Variants in TSHZ2 observed in about 807,000 individuals in gnomAD.
TSHZ2 encodes the protein teashirt homolog 2.
Under a neutral mutation model 74.4 loss-of-function variants are expected in TSHZ2, and 21 were observed. The ratio of observed to expected loss-of-function variants is 0.28; its 90% CI spans 0.20 to 0.41. TSHZ2 has a LOEUF of 0.41. TSHZ2 is among the 10% of genes least tolerant of loss of function. The probability of loss-of-function intolerance (pLI) is 1.00; values close to 1 mark genes in which losing one functional copy is unlikely to be tolerated. For synonymous variants in TSHZ2, 540 were observed against 515.3 expected, an observed-to-expected ratio of 1.05 and a Z score of -0.65; for missense variants, 1,244 against 1,293.5, an observed-to-expected ratio of 0.96 and a Z score of 0.59.
Position 53,255,667 on chromosome 20 carries a change from A to T in TSHZ2, c.2209A>T (p.Met737Leu). 6.3e-7 allele frequency: 1 copy of T among 1,580,268 alleles called. No homozygotes were observed. Among genetic ancestry groups the T allele is most frequent in the Non-Finnish European group, 8.6e-7 (1 of 1,163,846 alleles). ...SMFHKSNLNVMDKPVLSPAST... is the reference protein window; with the variant it reads ...SMFHKSNLNVLDKPVLSPAST... ...GTTCCACAAGTCGAATCTCAATGTCATGGACAAGCCGGTCTTGAGTCCTGC... is the reference window on the plus strand; with the variant it reads ...GTTCCACAAGTCGAATCTCAATGTCTTGGACAAGCCGGTCTTGAGTCCTGC... Residue 737 changes from methionine to leucine, a missense_variant, in exon 2 of 3, where the codon ATG becomes TTG. Transcript: ENST00000371497. This position sits in a 1 kb window ranked among gnomAD's most constrained non-coding sequence, Gnocchi z 4.1.
chr20:53,463,380 GAGGAAGGA>G (rs3042220), intron 2 of TSHZ2, among the ~76,000 whole-genome samples: 1,847 of 68,614 alleles, frequency 0.027, 25 homozygotes, highest in Non-Finnish European at 0.029. Context: ...CAGAGAGAGA[GAGGAAGGA>G]AGGAAGGAAG....
At chr20:52,993,882 T>C (rs1370999687) in intron 1 of TSHZ2, among the ~76,000 whole-genome samples, 3 of 152,200 alleles carry the variant, frequency 2.0e-5, no homozygotes, top group Non-Finnish European at 4.4e-5. Flanking sequence ...AAGGCCACCC[T>C]TGCCTTCCGG....
At position 53,033,787 on chromosome 20, in the gene TSHZ2, G is replaced by A. The variant is rs572128196; in HGVS notation, c.40+60454G>A. 5.3e-5 allele frequency among the ~76,000 whole-genome samples: 8 copies of A among 149,646 alleles called. No homozygotes were observed. The South Asian group carries it at 1.5e-3, about 28-fold the overall frequency. The stretch of plus-strand genomic sequence containing the variant: ...CAATTTGCTTGCCTCAGCCTCCTGA[G>A]GAACTAGGACTGCAGGCATGCACCC... On this transcript the variant is annotated intron_variant, in intron 1 of 2. Transcript: ENST00000371497.
chr20:53,484,142 G>A (rs1028637177), intron 2 of TSHZ2, among the ~76,000 whole-genome samples: 7 of 152,088 alleles, frequency 4.6e-5, no homozygotes, highest in Non-Finnish European at 8.8e-5. Context: ...CCTGCCAGAG[G>A]ATCTCAACCA....
At chr20:53,380,349 T>C (rs990479151) in intron 2 of TSHZ2, among the ~76,000 whole-genome samples, 1 of 152,220 alleles carries the variant, frequency 6.6e-6, no homozygotes, top group Non-Finnish European at 1.5e-5. Flanking sequence ...AAAAATATAC[T>C]CAATACATCC....
chr20:53,198,375 A>G (rs1988923291), intron 1 of TSHZ2: 2 of 152,232 alleles, frequency 1.3e-5, no homozygotes, highest in Non-Finnish European at 2.9e-5. Flanking sequence ...AAGCTCTTTT[A>G]GTGTTTTATA....
chr20:53,046,594 C>G (rs1219915128), intron 1 of TSHZ2, among the ~76,000 whole-genome samples: 2 of 152,026 alleles, frequency 1.3e-5, no homozygotes, highest in Non-Finnish European at 2.9e-5. Flanking sequence ...AAATCCTCTT[C>G]ATAAATTCAT....
chr20:53,339,112 C>A (rs1263308146), intron 2 of TSHZ2, among the ~76,000 whole-genome samples: 1 of 152,206 alleles, frequency 6.6e-6, no homozygotes, highest in Non-Finnish European at 1.5e-5. Flanking sequence ...CAGTTAAATA[C>A]CTCAGTCCAC....
At chr20:53,008,135 A>C (rs2122987670) in intron 1 of TSHZ2, among the ~76,000 whole-genome samples, 1 of 152,310 alleles carries the variant, frequency 6.6e-6, no homozygotes, top group Admixed American at 6.5e-5. Context: ...AGCCCAGTTT[A>C]GAGTGTTGAG....
chr20:53,435,860 G>A (rs1984036365), intron 2 of TSHZ2, among the ~76,000 whole-genome samples: 1 of 152,190 alleles, frequency 6.6e-6, no homozygotes, highest in African/African-American at 2.4e-5. Flanking sequence ...TCAAGGTCAA[G>A]CTCTCCCTCT....
At chr20:53,040,323 C>A (rs938646054) in intron 1 of TSHZ2, among the ~76,000 whole-genome samples, 4 of 152,138 alleles carry the variant, frequency 2.6e-5, no homozygotes, top group Non-Finnish European at 5.9e-5. Context: ...AGCCGCATGG[C>A]ACCTGTGTGG....
chr20:53,450,137 A>ATTTG (rs1984718500), intron 2 of TSHZ2, among the ~76,000 whole-genome samples: 1 of 152,218 alleles, frequency 6.6e-6, no homozygotes, highest in Admixed American at 6.5e-5. Flanking sequence ...CTCATTTAAT[A>ATTTG]TTTGTTTAAA....
chr20:53,342,767 C>T (rs1682449891), intron 2 of TSHZ2, among the ~76,000 whole-genome samples: 1 of 151,954 alleles, frequency 6.6e-6, no homozygotes, highest in Admixed American at 6.6e-5. Flanking sequence ...CTAGGAAATA[C>T]TTTCTCCCTA....
At chr20:53,345,073 AAG>A (rs1424969428) in intron 2 of TSHZ2, among the ~76,000 whole-genome samples, 1 of 152,236 alleles carries the variant, frequency 6.6e-6, no homozygotes, top group African/African-American at 2.4e-5. Flanking sequence ...ATGAGAAAAA[AAG>A]AGCATCTAAC....
Position 53,493,903 on chromosome 20 carries a change from T to A in TSHZ2, c.*6768T>A, listed in dbSNP as rs1183164444. ...CATTATCCTGAATATTAGCTTTCAA[T>A]GCAGTCACTATTTGACATTTCCAAA... On this transcript the variant is annotated 3_prime_UTR_variant, in exon 3 of 3. Transcript: ENST00000371497. The A allele has an allele frequency of 6.6e-6, 1 of 152,226 alleles. No individual in the cohort carries two copies. The highest frequency in any genetic ancestry group is 2.4e-5 in the African/African-American group (1 of 41,460). The allele number at this position is 152,226 out of a possible 1,614,324, so 9.4% of individuals were successfully genotyped here. A position where few individuals can be genotyped will look rare whatever the true frequency, so the allele number is the denominator to read the frequency against.
At chr20:53,029,536 C>T (rs1330696575) in intron 1 of TSHZ2, among the ~76,000 whole-genome samples, 2 of 152,034 alleles carry the variant, frequency 1.3e-5, no homozygotes, top group Non-Finnish European at 2.9e-5. Context: ...ATTAGCTGGG[C>T]GTGGAGGCAC....
chr20:53,113,869 T>C (rs1986598994), intron 1 of TSHZ2, among the ~76,000 whole-genome samples: 1 of 152,054 alleles, frequency 6.6e-6, no homozygotes. Context: ...CAGAAGTGTA[T>C]GGATTATCTG....
chr20:53,419,264 A>G (rs1983381324), intron 2 of TSHZ2, among the ~76,000 whole-genome samples: 1 of 152,162 alleles, frequency 6.6e-6, no homozygotes, highest in African/African-American at 2.4e-5. Flanking sequence ...ATTAGCTCAC[A>G]TCTGGGCTAC....
intron 1 of TSHZ2, among the ~76,000 whole-genome samples, chr20:53,010,797 C>T (rs28405801): frequency 5.3e-5 from 8 of 152,126 alleles, no homozygotes; most frequent in South Asian, 2.1e-4. Flanking sequence ...GAAAAGCTGA[C>T]GATTTTCCCC....
Sources: gnomAD v4.1 joint callset for allele counts (sites outside exome capture counted in the v4.1 genomes callset) on GRCh38, gnomAD v4.1.1 for gene constraint, Gnocchi (gnomAD v3.1) non-coding constraint, MANE v1.5 for transcripts, NCBI Gene and HGNC (gene_info 2026-07-23, HGNC 2026-07-21) for gene names.